Variants in ZNF91 observed in about 807,000 individuals in gnomAD.
The protein encoded by ZNF91 is zinc finger protein 91 (HPF7, HTF10).
ZNF91 carries 7 observed loss-of-function variants against 12.6 expected under a neutral mutation model. The observed-to-expected ratio is 0.55, with a 90% CI of 0.31 to 1.04. The LOEUF (loss-of-function observed/expected upper bound fraction) is 1.04, where lower values mean the gene tolerates loss of function less well. ZNF91 is among the 50% of genes least tolerant of loss of function. The probability of loss-of-function intolerance (pLI) is 0.05; values close to 1 mark genes in which losing one functional copy is unlikely to be tolerated. For synonymous variants in ZNF91, 453 were observed against 462.6 expected (o/e 0.98, Z 0.27); for missense variants, 1,217 against 1,385.4 (o/e 0.88, Z 1.93).
chr19:23,370,570 T>C (rs1568393309), intron 3 of ZNF91, among the ~76,000 whole-genome samples: 1 of 152,190 alleles, frequency 6.6e-6, no homozygotes, highest in East Asian at 1.9e-4. Context: ...TGGCACATTA[T>C]GGCTCACTGC....
chr19:23,381,371 T>C (rs77602728), intron 1 of ZNF91, among the ~76,000 whole-genome samples: 1,796 of 152,228 alleles, frequency 0.012, 31 homozygotes, highest in African/African-American at 0.041. Flanking sequence ...CATTATACAT[T>C]ACTATGCTAA....
At chr19:23,368,277 TGAGATAGGTG>T (rs1969097890) in intron 3 of ZNF91, among the ~76,000 whole-genome samples, 1 of 151,752 alleles carries the variant, frequency 6.6e-6, no homozygotes, top group Non-Finnish European at 1.5e-5. Context: ...TTTGGGAGGC[TGAGATAGGTG>T]GATCACAAGG....
rs773839289 is a variant in ZNF91 at position 23,323,348 on chromosome 19, TCC to T, written n.117-14253_117-14252del. 8.8e-3 allele frequency among the ~76,000 whole-genome samples: 1,249 copies of T among 141,556 alleles called. 12 individuals carry two copies. The highest frequency in any genetic ancestry group is 0.013 in the Non-Finnish European group (826 of 65,200). 92.9% of individuals were successfully genotyped at this position (141,556 alleles called of 152,430 possible). The stretch of plus-strand genomic sequence containing the variant: ...TCTTCTCCTCGTCCTCCTCCTCCTC[TCC>T]CCCTCCTTTCCTCCTCTTCCCTTCC... On this transcript the variant is annotated intron_variant and non_coding_transcript_variant, in intron 1 of 1. Coordinates refer to the ZNF91 transcript ENST00000596528.
At chr19:23,336,960 T>C (rs117702746), downstream of ZNF91, among the ~76,000 whole-genome samples, 11 of 152,320 alleles carry the variant, frequency 7.2e-5, 1 homozygote, top group East Asian at 1.5e-3. Context: ...ATAAGCAAGA[T>C]AGCAAGTTTT....
upstream of ZNF91, among the ~76,000 whole-genome samples, chr19:23,311,592 T>C (rs1411073049): frequency 1.3e-5 from 2 of 152,222 alleles, no homozygotes; most frequent in African/African-American, 4.8e-5. Flanking sequence ...AAAAGGCTCC[T>C]GCCTGGGCCT....
intron 3 of ZNF91, among the ~76,000 whole-genome samples, chr19:23,345,306 A>G (rs1344322907): frequency 6.6e-6 from 1 of 152,114 alleles, no homozygotes; most frequent in Non-Finnish European, 1.5e-5. Context: ...TGCCTCATAA[A>G]AAAACCTACA....
At chr19:23,371,959 G>A (rs533041835) in intron 3 of ZNF91, among the ~76,000 whole-genome samples, 52 of 152,206 alleles carry the variant, frequency 3.4e-4, no homozygotes, top group African/African-American at 1.2e-3. Context: ...GCTAAATTAT[G>A]TATATATTTA....
chr19:23,308,303 G>A (rs1244952070), intron 2 of ZNF91: 1 of 152,120 alleles, frequency 6.6e-6, no homozygotes, highest in Non-Finnish European at 1.5e-5. Flanking sequence ...CATATCACTA[G>A]GTTAAGAAAC....
intron 1 of ZNF91, among the ~76,000 whole-genome samples, chr19:23,330,182 T>C (rs1967904478): frequency 6.6e-6 from 1 of 151,944 alleles, no homozygotes; most frequent in Non-Finnish European, 1.5e-5. Flanking sequence ...TATATAAAAA[T>C]CAGCCGGGTG....
chr19:23,369,272 T>C (rs1265083182), intron 3 of ZNF91, among the ~76,000 whole-genome samples: 2 of 150,904 alleles, frequency 1.3e-5, no homozygotes, highest in African/African-American at 4.9e-5. Context: ...ATCGTGCCAT[T>C]GCACTCCACC....
chr19:23,342,873 A>G (rs1334546425), intron 3 of ZNF91, among the ~76,000 whole-genome samples: 2 of 152,200 alleles, frequency 1.3e-5, no homozygotes, highest in Admixed American at 1.3e-4. Flanking sequence ...CTATGGCCAA[A>G]GCCTTGAATG....
intron 1 of ZNF91, among the ~76,000 whole-genome samples, chr19:23,376,080 G>A (rs1969495615): frequency 6.6e-6 from 1 of 152,088 alleles, no homozygotes; most frequent in African/African-American, 2.4e-5. Flanking sequence ...AACTTTCTGG[G>A]TAATAAATGC....
intron 3 of ZNF91, among the ~76,000 whole-genome samples, chr19:23,373,116 C>A (rs1414573011): frequency 2.0e-5 from 3 of 152,020 alleles, no homozygotes; most frequent in East Asian, 1.9e-4. Flanking sequence ...ACTCTGAGGA[C>A]CCAATAAAAA....
intron 3 of ZNF91, 56 bp from the exon 4 acceptor site, chr19:23,362,781 A>G (rs1032040177): frequency 3.1e-5 from 41 of 1,332,244 alleles, no homozygotes; most frequent in African/African-American, 4.5e-5. Flanking sequence ...ACTCACATGA[A>G]TATAGTTTAA....
chr19:23,338,987 G>C (rs1177429358), exon 4 of ZNF91: 1 of 151,808 alleles, frequency 6.6e-6, no homozygotes, highest in Non-Finnish European at 1.5e-5. Flanking sequence ...GGGAGGCAGA[G>C]GTTGCAGTGA....
intron 1 of ZNF91, chr19:23,380,582 A>T (rs1568400281): frequency 6.6e-6 from 1 of 152,216 alleles, no homozygotes; most frequent in African/African-American, 2.4e-5. Context: ...TCATTCCGAG[A>T]AAGATTATAT....
At chr19:23,331,286 AT>A (rs949811948) in intron 1 of ZNF91, among the ~76,000 whole-genome samples, 15 of 115,012 alleles carry the variant, frequency 1.3e-4, no homozygotes, top group African/African-American at 5.7e-4. Context: ...GAGGAAATTA[AT>A]TAAGTTAATA....
intron 1 of ZNF91, among the ~76,000 whole-genome samples, chr19:23,375,746 T>C (rs984619663): frequency 1.3e-5 from 2 of 151,992 alleles, no homozygotes; most frequent in African/African-American, 2.4e-5. Flanking sequence ...CCAGATTAAA[T>C]GTGATGTTTT....
At chr19:23,344,384 G>A (rs1216352767) in intron 3 of ZNF91, among the ~76,000 whole-genome samples, 3 of 151,998 alleles carry the variant, frequency 2.0e-5, no homozygotes, top group Non-Finnish European at 2.9e-5. Context: ...GTGAGCCACC[G>A]CGCCCGGCAA....
Sources: allele counts gnomAD v4.1 joint callset (sites outside exome capture counted in the v4.1 genomes callset), GRCh38; gene constraint gnomAD v4.1.1; transcripts MANE v1.5; gene names NCBI Gene and HGNC (gene_info 2026-07-23, HGNC 2026-07-21).